The following DNAJA3 variants were observed in gnomAD, a reference collection of about 807,000 sequenced individuals.
DNAJA3 encodes dnaJ homolog subfamily A member 3, mitochondrial.
DNAJA3 carries 29 observed loss-of-function variants against 54.9 expected under a neutral mutation model. That is an observed-to-expected ratio of 0.53 (90% CI 0.39 to 0.72). The LOEUF (loss-of-function observed/expected upper bound fraction) is 0.72, where lower values mean the gene tolerates loss of function less well. DNAJA3 is among the 30% of genes least tolerant of loss of function. DNAJA3 has a pLI of 0.00. For missense variants in DNAJA3, 708 were observed against 639.4 expected (o/e 1.11, Z -1.16); for synonymous variants, 302 against 251.4 (o/e 1.20, Z -1.90).
intron 1 of DNAJA3, 140 bp from the exon 2 acceptor site, chr16:4,434,244 T>G: frequency 1.1e-6 from 1 of 907,052 alleles, no homozygotes; most frequent in South Asian, 1.6e-5. Flanking sequence ...AAAATTCTAG[T>G]TGAGATCTGG....
chr16:4,439,470 C>T (rs752383668), intron 3 of DNAJA3, among the ~76,000 whole-genome samples: 1 of 152,162 alleles, frequency 6.6e-6, no homozygotes, highest in Non-Finnish European at 1.5e-5. Context: ...TTTCCTGCCT[C>T]AACCTCAACT....
chr16:4,438,870 A>C (rs1287528192), intron 3 of DNAJA3, among the ~76,000 whole-genome samples: 1 of 151,982 alleles, frequency 6.6e-6, no homozygotes, highest in Non-Finnish European at 1.5e-5. Context: ...CAACTCAGTA[A>C]ATCTTTTTTG....
At chr16:4,431,731 C>T (rs548416973) in intron 1 of DNAJA3, 1 of 152,260 alleles carries the variant, frequency 6.6e-6, no homozygotes, top group African/African-American at 2.4e-5. Flanking sequence ...GCGTGCACCA[C>T]CATGACCGGC....
chr16:4,429,044 G>C (rs1308188422), intron 1 of DNAJA3, among the ~76,000 whole-genome samples: 1 of 150,362 alleles, frequency 6.7e-6, no homozygotes, highest in Admixed American at 6.7e-5. Flanking sequence ...ACCTGCAACC[G>C]CGCCCAGCTA....
In DNAJA3 at chr16:4,437,265, C is replaced by T. The variant is rs1038841577; in HGVS notation, c.346-137C>T. 2.8e-4 allele frequency: 211 copies of T among 747,502 alleles called. 2 individuals carry two copies. The highest frequency in any genetic ancestry group is 5.8e-5 in the Non-Finnish European group (26 of 446,118). The allele number at this position is 747,502 out of a possible 1,614,324, so 46.3% of individuals were successfully genotyped here. On this transcript the variant is annotated intron_variant, in intron 2 of 11. Coordinates refer to ENST00000262375, the MANE Select transcript of DNAJA3 (RefSeq NM_005147.6). ...GGATTACAGGCGTGAGCCACTGCACCCAGCCGAGAGACAACTTTTATAAAG... is the reference window on the plus strand; with the variant it reads ...GGATTACAGGCGTGAGCCACTGCACTCAGCCGAGAGACAACTTTTATAAAG...
At chr16:4,455,392 G>A in intron 11 of DNAJA3, 154 bp from the exon 12 acceptor site, 1 of 807,228 alleles carries the variant, frequency 1.2e-6, no homozygotes, top group Non-Finnish European at 2.0e-6. Flanking sequence ...TGTCATCTTG[G>A]GACCCACTTT....
At chr16:4,454,983 G>C in intron 11 of DNAJA3, 56 bp downstream of exon 11, 1 of 1,236,838 alleles carries the variant, frequency 8.1e-7, no homozygotes, top group Admixed American at 1.9e-5. Context: ...AACTAATCCT[G>C]GTTTTCTCCC....
In DNAJA3 at chr16:4,441,255, G is replaced by A. The variant is rs148731346; in HGVS notation, c.430-120G>A. ...CAGGCCCACCCCAACCTCATAGGAT[G>A]TGTTTGCACACAGGGCCACTTAATA... On this transcript the variant is annotated intron_variant, in intron 3 of 11. Coordinates refer to ENST00000262375, the MANE Select transcript of DNAJA3 (RefSeq NM_005147.6). 4,212 of 884,440 alleles carry A rather than the reference G, an allele frequency of 4.8e-3. 22 individuals carry two copies. Among genetic ancestry groups the A allele is most frequent in the Admixed American group, 0.011 (388 of 36,466 alleles). The allele number at this position is 884,440 out of a possible 1,614,324, so 54.8% of individuals were successfully genotyped here. A position where few individuals can be genotyped will look rare whatever the true frequency, so the allele number is the denominator to read the frequency against.
intron 1 of DNAJA3, among the ~76,000 whole-genome samples, chr16:4,428,169 T>C (rs1475148125): frequency 6.6e-6 from 1 of 152,100 alleles, no homozygotes; most frequent in East Asian, 1.9e-4. Flanking sequence ...GCCAAGATGG[T>C]CTCGATCTCC....
intron 3 of DNAJA3, among the ~76,000 whole-genome samples, chr16:4,438,143 C>T (rs923787705): frequency 5.3e-5 from 8 of 151,936 alleles, no homozygotes; most frequent in Middle Eastern, 3.4e-3. Flanking sequence ...GGTGAAACCC[C>T]GTCTCTACTA....
At position 4,443,252 on chromosome 16, in the gene DNAJA3, C is replaced by T; in HGVS notation, c.931+88C>T. 2.6e-6 allele frequency: 4 copies of T among 1,516,364 alleles called. 1 individual carries two copies. The South Asian group carries it at 5.0e-5, about 19-fold the overall frequency. The allele number at this position is 1,516,364 out of a possible 1,614,324, so 93.9% of individuals were successfully genotyped here. ...CACCGTGTGGAGAGGGTGGACAGGG[C>T]CGAGGCCACTGCACTGAGTGTGAGT... On this transcript the variant is annotated intron_variant, in intron 6 of 11. Transcript: ENST00000262375.
In DNAJA3 at chr16:4,431,425, T is replaced by C. The variant is rs2141370439; in HGVS notation, c.212-2959T>C. ...GGTGTGCCAAACACACGGATTTATT[T>C]CCTATTTCTAATTTTAAGTATCCTG... On this transcript the variant is annotated intron_variant, in intron 1 of 11. Coordinates refer to ENST00000262375, the MANE Select transcript of DNAJA3 (RefSeq NM_005147.6). Among the ~76,000 whole-genome samples, 2 of 152,326 alleles carry C rather than the reference T, an allele frequency of 1.3e-5. 1 individual carries two copies. The highest frequency in any genetic ancestry group is 4.1e-4 in the South Asian group (2 of 4,826).
intron 6 of DNAJA3, among the ~76,000 whole-genome samples, chr16:4,443,721 C>T (rs2056866590): frequency 6.6e-6 from 1 of 151,500 alleles, no homozygotes; most frequent in East Asian, 1.9e-4. Flanking sequence ...GAGTCTCGCT[C>T]TGTCACCCAG....
rs755577499 is a variant in DNAJA3, at chr16:4,425,989, G to A, written c.108G>A (p.Gly36=). Residue 36 remains glycine (G), a synonymous_variant, in exon 1 of 12, where the codon GGG becomes GGA. Coordinates refer to ENST00000262375, the MANE Select transcript of DNAJA3 (RefSeq NM_005147.6). ...GGCCGCCCAGGGAGGGCGTGGTGGG[G>A]GCATGGCTGAGCCGCAAGCTGAGCG... ...GARPPREGVV[G]AWLSRKLSVP... is the part of the protein sequence containing the mutation. The A allele has an allele frequency of 5.6e-6, 9 of 1,601,014 alleles. No individual in the cohort carries two copies. Among genetic ancestry groups the A allele is most frequent in the South Asian group, 5.6e-5 (5 of 89,190 alleles).
At position 4,441,643 on chromosome 16, in the gene DNAJA3, C is replaced by T. The variant is rs1037265985; in HGVS notation, c.630+68C>T. The T allele has an allele frequency of 2.0e-6, 3 of 1,523,578 alleles. No homozygotes were observed. The African/African-American group carries it at 4.1e-5, about 21-fold the overall frequency. The allele number at this position is 1,523,578 out of a possible 1,614,324, so 94.4% of individuals were successfully genotyped here. On this transcript the variant is annotated intron_variant, in intron 4 of 11. Coordinates refer to ENST00000262375, the MANE Select transcript of DNAJA3 (RefSeq NM_005147.6). Reference sequence around the variant, plus strand: ...GTATGGGTCAAACAAATTTTTTTATCAGTTTCTGTTTCTCAGAAAGGCAAG... The same window carrying T: ...GTATGGGTCAAACAAATTTTTTTATTAGTTTCTGTTTCTCAGAAAGGCAAG...
chr16:4,443,254 G>A (rs1260387804), intron 6 of DNAJA3, 90 bp downstream of exon 6: 27 of 1,507,810 alleles, frequency 1.8e-5, no homozygotes, highest in South Asian at 5.1e-5. Context: ...GGACAGGGCC[G>A]AGGCCACTGC....
intron 10 of DNAJA3, among the ~76,000 whole-genome samples, chr16:4,452,883 C>T (rs764154961): frequency 6.6e-6 from 1 of 152,168 alleles, no homozygotes; most frequent in Non-Finnish European, 1.5e-5. Context: ...TGTACTCCAG[C>T]CTGGGTGCCA....
chr16:4,445,529 C>T (rs972971364), intron 7 of DNAJA3, among the ~76,000 whole-genome samples: 5 of 152,106 alleles, frequency 3.3e-5, no homozygotes, highest in African/African-American at 7.2e-5. Context: ...CAAGACTCAC[C>T]GGTGTTTATG....
intron 11 of DNAJA3, 25 bp from the exon 12 acceptor site, chr16:4,455,521 G>T: frequency 6.4e-7 from 1 of 1,551,688 alleles, no homozygotes; most frequent in African/African-American, 1.4e-5. Flanking sequence ...TGAGTATAAG[G>T]TAACAGCCTA....
Sources: gnomAD v4.1 joint callset for allele counts (sites outside exome capture counted in the v4.1 genomes callset) on GRCh38, gnomAD v4.1.1 for gene constraint, MANE v1.5 for transcripts, NCBI Gene and HGNC (gene_info 2026-07-23, HGNC 2026-07-21) for gene names.